The following BCL2L13 variants were observed in gnomAD, a reference collection of about 807,000 sequenced individuals.
BCL2L13 encodes the protein bcl-2-like protein 13.
BCL2L13 carries 13 observed loss-of-function variants against 25.8 expected under a neutral mutation model. The ratio of observed to expected loss-of-function variants is 0.50; its 90% CI spans 0.33 to 0.80. BCL2L13 has a LOEUF of 0.80. BCL2L13 is among the 30% of genes least tolerant of loss of function. The pLI, the probability that BCL2L13 is intolerant of heterozygous loss-of-function variation, is 0.02. For missense variants in BCL2L13, 504 were observed against 574.9 expected (o/e 0.88, Z 1.26); for synonymous variants, 244 against 230.3 (o/e 1.06, Z -0.54).
intron 5 of BCL2L13, among the ~76,000 whole-genome samples, chr22:17,696,597 A>C (rs1342518784): frequency 1.3e-5 from 2 of 152,208 alleles, no homozygotes; most frequent in Admixed American, 6.5e-5. Context: ...AATACCATTT[A>C]TGTTTTATAA....
At chr22:17,646,036 A>G (rs1242316651) in intron 1 of BCL2L13, among the ~76,000 whole-genome samples, 2 of 151,526 alleles carry the variant, frequency 1.3e-5, no homozygotes, top group African/African-American at 4.9e-5. Context: ...TAGGTTATAT[A>G]CAAATACCAC....
chr22:17,639,497 G>C (rs1163213732), intron 1 of BCL2L13, among the ~76,000 whole-genome samples: 1 of 152,080 alleles, frequency 6.6e-6, no homozygotes. Context: ...CCTATTTCTT[G>C]CCTTCATAAC....
intron 1 of BCL2L13, among the ~76,000 whole-genome samples, chr22:17,642,784 A>G (rs2058339870): frequency 6.6e-6 from 1 of 151,768 alleles, no homozygotes; most frequent in Non-Finnish European, 1.5e-5. Flanking sequence ...TTTTGTAGAG[A>G]TGGGGTTTTT....
At chr22:17,714,655 T>C (rs1234733789) in intron 6 of BCL2L13, among the ~76,000 whole-genome samples, 3 of 152,322 alleles carry the variant, frequency 2.0e-5, no homozygotes, top group Admixed American at 1.3e-4. Context: ...GTGTTTATTA[T>C]GTTTTGAATC....
intron 6 of BCL2L13, among the ~76,000 whole-genome samples, chr22:17,715,294 A>C (rs2060915676): frequency 7.0e-6 from 1 of 142,020 alleles, no homozygotes. Context: ...GAATCCTCCT[A>C]CCTCAGCCTC....
intron 5 of BCL2L13, among the ~76,000 whole-genome samples, chr22:17,699,157 T>G (rs1289090256): frequency 6.6e-6 from 1 of 152,242 alleles, no homozygotes; most frequent in Non-Finnish European, 1.5e-5. Context: ...AATATCTGGT[T>G]GTCTCTTACA....
intron 3 of BCL2L13, 31 bp from the exon 4 acceptor site, chr22:17,688,955 A>G (rs991612230): frequency 6.2e-7 from 1 of 1,600,378 alleles, no homozygotes; most frequent in Non-Finnish European, 8.5e-7. Flanking sequence ...ATTGTTTATT[A>G]TATTAGGTTT....
intron 1 of BCL2L13, among the ~76,000 whole-genome samples, chr22:17,644,413 C>A (rs1414872447): frequency 6.7e-6 from 1 of 149,386 alleles, no homozygotes; most frequent in African/African-American, 2.5e-5. Flanking sequence ...TCACTGCAAT[C>A]TTTGCCTCCT....
chr22:17,721,860 C>T (rs545018799), intron 6 of BCL2L13, among the ~76,000 whole-genome samples: 2 of 151,878 alleles, frequency 1.3e-5, no homozygotes, highest in South Asian at 4.2e-4. Context: ...CGGGGTTTCA[C>T]CGTGTTAGCC....
chr22:17,638,780 T>C lies in BCL2L13; in HGVS notation c.-157T>C, dbSNP rs1052791392. On this transcript the variant is annotated 5_prime_UTR_variant, in exon 1 of 7. Coordinates refer to ENST00000317582, the MANE Select transcript of BCL2L13 (RefSeq NM_015367.4). ...TCACCCTCCAACATGGCGGCGGCGG[T>C]AGATTAGGGCCGCGGGTCGGAGCAC... 23 of 1,231,332 alleles carry C rather than the reference T, an allele frequency of 1.9e-5. No homozygotes were observed. In the East Asian group the frequency reaches 4.4e-4, roughly 24 times the overall value. The allele number at this position is 1,231,332 out of a possible 1,614,324, so 76.3% of individuals were successfully genotyped here.
At position 17,727,786 on chromosome 22, in the gene BCL2L13, A is replaced by G; in HGVS notation, c.*252A>G. 5.5e-6 allele frequency: 3 copies of G among 547,964 alleles called. No individual in the cohort carries two copies. Among genetic ancestry groups the G allele is most frequent in the Non-Finnish European group, 9.7e-6 (3 of 308,912 alleles). 33.9% of individuals were successfully genotyped at this position (547,964 alleles called of 1,614,324 possible). On this transcript the variant is annotated 3_prime_UTR_variant, in exon 7 of 7. Transcript: ENST00000317582. ...TTAGGGGTAAAGCACCCCCTCCAGG[A>G]CCGGGTTTCTCAGCCTTGGCACTAG...
At chr22:17,687,666 G>A (rs565353740) in intron 3 of BCL2L13, among the ~76,000 whole-genome samples, 19 of 152,016 alleles carry the variant, frequency 1.2e-4, no homozygotes, top group African/African-American at 4.1e-4. Context: ...ACAGGCGCCC[G>A]CCACCAGGCC....
upstream of BCL2L13, among the ~76,000 whole-genome samples, chr22:17,635,944 C>T (rs1160992423): frequency 2.0e-5 from 3 of 151,138 alleles, no homozygotes; most frequent in Non-Finnish European, 2.9e-5. Flanking sequence ...CTCCTGACCT[C>T]GTGATCCGTC....
chr22:17,702,430 T>A, intron 6 of BCL2L13, 44 bp downstream of exon 6: 4 of 1,467,784 alleles, frequency 2.7e-6, no homozygotes, highest in Non-Finnish European at 3.6e-6. Flanking sequence ...GAAAAAAAAT[T>A]AGGTTTGTTG....
At chr22:17,654,673 C>G (rs1436740668) in intron 1 of BCL2L13, among the ~76,000 whole-genome samples, 1 of 152,000 alleles carries the variant, frequency 6.6e-6, no homozygotes, top group African/African-American at 2.4e-5. Context: ...ATCCGCCCGC[C>G]TCGGCCTCCC....
At chr22:17,664,409 A>G (rs959757850) in intron 2 of BCL2L13, among the ~76,000 whole-genome samples, 2 of 88,354 alleles carry the variant, frequency 2.3e-5, no homozygotes, top group South Asian at 4.0e-4. Flanking sequence ...TGCAGCATAT[A>G]TAGCCACCCC....
intron 2 of BCL2L13, among the ~76,000 whole-genome samples, chr22:17,670,287 A>C (rs1294721916): frequency 6.7e-6 from 1 of 149,780 alleles, no homozygotes; most frequent in Non-Finnish European, 1.5e-5. Context: ...TGGCTTGTCT[A>C]TTTCTGGAAA....
intron 2 of BCL2L13, among the ~76,000 whole-genome samples, chr22:17,677,154 CAAAAAATA>C (rs150515668): frequency 0.028 from 4,208 of 150,910 alleles, 53 homozygotes; most frequent in Middle Eastern, 0.07. Context: ...ACCCTATTCT[CAAAAAATA>C]AAAAAATAAA....
At chr22:17,688,441 A>G (rs1422863748) in intron 3 of BCL2L13, among the ~76,000 whole-genome samples, 1 of 152,230 alleles carries the variant, frequency 6.6e-6, no homozygotes, top group Non-Finnish European at 1.5e-5. Flanking sequence ...CAAAATCTTA[A>G]AAACAGAATT....
Sources: allele counts gnomAD v4.1 joint callset (sites outside exome capture counted in the v4.1 genomes callset), GRCh38; gene constraint gnomAD v4.1.1; transcripts MANE v1.5; gene names NCBI Gene and HGNC (gene_info 2026-07-23, HGNC 2026-07-21).